ASB18: variants seen among roughly 807,000 people sequenced by gnomAD.
ASB18 encodes ankyrin repeat and SOCS box protein 18.
In ASB18, 33 loss-of-function variants were observed where a neutral mutation model predicts 33.4. That is an observed-to-expected ratio of 0.99 (90% CI 0.75 to 1.32). ASB18 has a LOEUF of 1.32. Among genes scored for constraint, ASB18 ranks in the 40% most tolerant of loss-of-function variants. The probability of loss-of-function intolerance (pLI) is 0.00; values close to 1 mark genes in which losing one functional copy is unlikely to be tolerated. For missense variants in ASB18, 694 were observed against 655.5 expected (o/e 1.06, Z -0.64); for synonymous variants, 295 against 307.6 (o/e 0.96, Z 0.43).
rs773443450 is a variant in ASB18, at chr2:236,264,347, G to A, written c.-2C>T. The stretch of plus-strand genomic sequence containing the variant: ...GGGAAGGTAATCCGAGTTGGACATT[G>A]TTACGTCGTTTCTGCAGTGACCAGC... On this transcript the variant is annotated 5_prime_UTR_variant, in exon 1 of 6. Coordinates refer to ENST00000409749, the MANE Select transcript of ASB18 (RefSeq NM_212556.4). The surrounding 1 kb of genome is among the most constrained non-coding windows in gnomAD (Gnocchi z 5.1). The A allele has an allele frequency of 6.2e-7, 1 of 1,612,862 alleles. No homozygotes were observed. The highest frequency in any genetic ancestry group is 1.3e-5 in the African/African-American group (1 of 74,890).
chr2:236,206,100 T>C (rs952462342), intron 4 of ASB18, among the ~76,000 whole-genome samples: 1 of 152,214 alleles, frequency 6.6e-6, no homozygotes, highest in African/African-American at 2.4e-5. Flanking sequence ...TCTGATCCAT[T>C]TGTCCTAGGC....
Position 236,251,015 on chromosome 2 carries a change from T to C in ASB18, c.206-9613A>G, listed in dbSNP as rs1400646877. ...GATTTCACATTATTAAGAAATCTCA[T>C]TTCCATCATGTGGAGGAACACAATA... On this transcript the variant is annotated intron_variant, in intron 1 of 5. Transcript: ENST00000409749. The surrounding 1 kb of genome is among the most constrained non-coding windows in gnomAD (Gnocchi z 5.3). Among the ~76,000 whole-genome samples the C allele has an allele frequency of 6.6e-6, 1 of 152,246 alleles. No individual in the cohort carries two copies. Among genetic ancestry groups the C allele is most frequent in the Non-Finnish European group, 1.5e-5 (1 of 68,048 alleles).
At chr2:236,254,072 G>A (rs193114623) in intron 1 of ASB18, 9 of 152,222 alleles carry the variant, frequency 5.9e-5, no homozygotes, top group Admixed American at 5.9e-4. Context: ...ACATTTTGCA[G>A]GTCATATGGT....
At position 236,195,496 on chromosome 2, in the gene ASB18, AACAC is replaced by A. The variant is rs1441505914; in HGVS notation, c.1216-443_1216-440del. Among the ~76,000 whole-genome samples the A allele has an allele frequency of 6.6e-6, 1 of 151,548 alleles. No homozygotes were observed. Among genetic ancestry groups the A allele is most frequent in the Non-Finnish European group, 1.5e-5 (1 of 67,974 alleles). ...TGACTCAAGTCAGTGAAACAGAAAAAACACACACAACTCTTCTCACTCTCTTTTT... is the reference window on the plus strand; with the variant it reads ...TGACTCAAGTCAGTGAAACAGAAAAAACACAACTCTTCTCACTCTCTTTTT... On this transcript the variant is annotated intron_variant, in intron 5 of 5. Transcript: ENST00000409749. The surrounding 1 kb of genome is among the most constrained non-coding windows in gnomAD (Gnocchi z 5.5).
chr2:236,264,155 G>T lies in ASB18; in HGVS notation c.191C>A (p.Thr64Asn). 6.2e-7 allele frequency: 1 copy of T among 1,613,776 alleles called. No homozygotes were observed. The highest frequency in any genetic ancestry group is 8.5e-7 in the Non-Finnish European group (1 of 1,179,808). Residue 64 changes from threonine to asparagine, a missense_variant, in exon 1 of 6, where the codon ACC (threonine) becomes AAC (asparagine). Coordinates refer to ENST00000409749, the MANE Select transcript of ASB18 (RefSeq NM_212556.4). This position sits in a 1 kb window ranked among gnomAD's most constrained non-coding sequence, Gnocchi z 5.1. ...WMKDPSAQLP[T>N]GMLLGDLDHL... is the part of the protein sequence containing the mutation. ...GTTCTGGTTACCTAGCAGCATGCCGGTGGGCAGCTGAGCCGAGGGGTCTTT... is the reference window on the plus strand; with the variant it reads ...GTTCTGGTTACCTAGCAGCATGCCGTTGGGCAGCTGAGCCGAGGGGTCTTT...
chr2:236,194,295 C>T lies in ASB18; in HGVS notation c.*577G>A, dbSNP rs1017635667. Among the ~76,000 whole-genome samples, 2 of 152,182 alleles carry T rather than the reference C, an allele frequency of 1.3e-5. No homozygotes were observed. Among genetic ancestry groups the T allele is most frequent in the African/African-American group, 4.8e-5 (2 of 41,450 alleles). ...ATCTAACCCACCAGCAGGACAACCA[C>T]CATCACATACTGATTCACCAAAAAT... is the stretch of plus-strand genomic sequence containing the variant. On this transcript the variant is annotated 3_prime_UTR_variant, in exon 6 of 6. Coordinates refer to ENST00000409749, the MANE Select transcript of ASB18 (RefSeq NM_212556.4). The surrounding 1 kb of genome is among the most constrained non-coding windows in gnomAD (Gnocchi z 4.5).
In ASB18 at chr2:236,234,675, G is replaced by A. The variant is rs1321367940; in HGVS notation, c.596+3014C>T. Among the ~76,000 whole-genome samples the A allele has an allele frequency of 6.6e-6, 1 of 152,202 alleles. No homozygotes were observed. The highest frequency in any genetic ancestry group is 1.5e-5 in the Non-Finnish European group (1 of 68,042). On this transcript the variant is annotated intron_variant, in intron 3 of 5. Coordinates refer to ENST00000409749, the MANE Select transcript of ASB18 (RefSeq NM_212556.4). The surrounding 1 kb of genome is among the most constrained non-coding windows in gnomAD (Gnocchi z 4.1). The stretch of plus-strand genomic sequence containing the variant: ...AGACCGTTTGGTGGAGAAAGGAAGG[G>A]TTTAGATTCACAAATACTTATTTTC...
chr2:236,237,623 T>A lies in ASB18; in HGVS notation c.596+66A>T. On this transcript the variant is annotated intron_variant, in intron 3 of 5. Transcript: ENST00000409749. This position sits in a 1 kb window ranked among gnomAD's most constrained non-coding sequence, Gnocchi z 6.2. ...GGCGGAGGCGGGGTCGGCGGTCTCG[T>A]GGGGGGAGGCGGGCGTCTGGTCTCG... The A allele has an allele frequency of 9.5e-7, 1 of 1,049,414 alleles. No individual in the cohort carries two copies. 65.0% of individuals were successfully genotyped at this position (1,049,414 alleles called of 1,614,324 possible). A position where few individuals can be genotyped will look rare whatever the true frequency, so the allele number is the denominator to read the frequency against.
rs772660913 is a variant in ASB18 at position 236,204,119 on chromosome 2, C to T, written c.1102-7734G>A. ...TGGATTTCCCCCTTCCTGAGCTCTTCGTTAGTGTTATCTCTTTGTCAGCTG... is the reference window on the plus strand; with the variant it reads ...TGGATTTCCCCCTTCCTGAGCTCTTTGTTAGTGTTATCTCTTTGTCAGCTG... On this transcript the variant is annotated intron_variant, in intron 4 of 5. Transcript: ENST00000409749. The surrounding 1 kb of genome is among the most constrained non-coding windows in gnomAD (Gnocchi z 5.1). Among the ~76,000 whole-genome samples, 20 of 152,030 alleles carry T rather than the reference C, an allele frequency of 1.3e-4. No individual in the cohort carries two copies. The highest frequency in any genetic ancestry group is 2.6e-4 in the Non-Finnish European group (18 of 68,010).
intron 4 of ASB18, among the ~76,000 whole-genome samples, chr2:236,202,789 A>AT (rs2060410867): frequency 8.0e-6 from 1 of 124,770 alleles, no homozygotes; most frequent in African/African-American, 3.8e-5. Context: ...AAAAAAAAAA[A>AT]AAAAAATATA....
rs183038588 is a variant in ASB18, at chr2:236,252,406, G to A, written c.206-11004C>T. ...GGAATCAGATCACTGCTATATGGAG[G>A]TACAGGTGTTAAGATGGGGATGCCT... On this transcript the variant is annotated intron_variant, in intron 1 of 5. Coordinates refer to ENST00000409749, the MANE Select transcript of ASB18 (RefSeq NM_212556.4). The surrounding 1 kb of genome is among the most constrained non-coding windows in gnomAD (Gnocchi z 7.9). 1.9e-4 allele frequency among the ~76,000 whole-genome samples: 29 copies of A among 152,178 alleles called. No individual in the cohort carries two copies. Among genetic ancestry groups the A allele is most frequent in the African/African-American group, 6.3e-4 (26 of 41,514 alleles).
At chr2:236,206,273 T>G (rs1481704398) in intron 4 of ASB18, among the ~76,000 whole-genome samples, 2 of 152,108 alleles carry the variant, frequency 1.3e-5, no homozygotes. Context: ...TTCCAACAAT[T>G]CAGATGATTA....
chr2:236,242,788 G>A (rs1384243581), intron 1 of ASB18, among the ~76,000 whole-genome samples: 6 of 149,910 alleles, frequency 4.0e-5, no homozygotes, highest in African/African-American at 1.2e-4. Context: ...TTGGGAGGTC[G>A]AGGTGGGAGG....
rs76875674 is a variant in ASB18, at chr2:236,216,160, C to T, written c.597-1294G>A. Among the ~76,000 whole-genome samples the T allele has an allele frequency of 2.6e-4, 40 of 152,296 alleles. No homozygotes were observed. The East Asian group carries it at 4.4e-3, about 17-fold the overall frequency. ...GGGTCTGCCGAGCCCTGTTGGAGGA[C>T]GCAGCCTTCATGGAGCTGGCCTTGG... is the stretch of plus-strand genomic sequence containing the variant. On this transcript the variant is annotated intron_variant, in intron 3 of 5. Transcript: ENST00000409749. This position sits in a 1 kb window ranked among gnomAD's most constrained non-coding sequence, Gnocchi z 6.1.
rs1391670553 is a variant in ASB18 at position 236,211,917 on chromosome 2, A to C, written c.1101+2445T>G. Among the ~76,000 whole-genome samples, 10 of 152,150 alleles carry C rather than the reference A, an allele frequency of 6.6e-5. No homozygotes were observed. The highest frequency in any genetic ancestry group is 1.5e-4 in the Non-Finnish European group (10 of 68,028). On this transcript the variant is annotated intron_variant, in intron 4 of 5. Coordinates refer to ENST00000409749, the MANE Select transcript of ASB18 (RefSeq NM_212556.4). The surrounding 1 kb of genome is among the most constrained non-coding windows in gnomAD (Gnocchi z 5.0). ...GGGAATCCCAGTGCAAAAAGGTGGA[A>C]TCCTTATTTCCAAAGATTTAATGCA...
Position 236,219,526 on chromosome 2 carries a change from T to A in ASB18, c.597-4660A>T, listed in dbSNP as rs934857262. Among the ~76,000 whole-genome samples the A allele has an allele frequency of 6.6e-6, 1 of 152,128 alleles. No individual in the cohort carries two copies. Among genetic ancestry groups the A allele is most frequent in the African/African-American group, 2.4e-5 (1 of 41,434 alleles). ...CCTGGGCTGGCTGGGAGCTACTCAG[T>A]GATAACAATCGTGGGGACCTCTCAG... On this transcript the variant is annotated intron_variant, in intron 3 of 5. Transcript: ENST00000409749. This position sits in a 1 kb window ranked among gnomAD's most constrained non-coding sequence, Gnocchi z 6.4.
Position 236,255,227 on chromosome 2 carries a change from T to G in ASB18, c.205+8914A>C, listed in dbSNP as rs999963292. 6.6e-6 allele frequency among the ~76,000 whole-genome samples: 1 copy of G among 152,082 alleles called. No homozygotes were observed. The highest frequency in any genetic ancestry group is 1.5e-5 in the Non-Finnish European group (1 of 68,010). On this transcript the variant is annotated intron_variant, in intron 1 of 5. Transcript: ENST00000409749. This position sits in a 1 kb window ranked among gnomAD's most constrained non-coding sequence, Gnocchi z 4.4. ...AGCGCGATCTTGGCTCACTGCAACC[T>G]CCTCCTCCCAGGTTCAAGCGATTCT...
chr2:236,201,543 A>G (rs2060402643), intron 4 of ASB18, among the ~76,000 whole-genome samples: 1 of 149,358 alleles, frequency 6.7e-6, no homozygotes, highest in Non-Finnish European at 1.5e-5. Flanking sequence ...GTTATTTTTT[A>G]AAATGAACAG....
In ASB18 at chr2:236,260,721, T is replaced by G. The variant is rs1240064338; in HGVS notation, c.205+3420A>C. Among the ~76,000 whole-genome samples, 1 of 152,202 alleles carries G rather than the reference T, an allele frequency of 6.6e-6. No homozygotes were observed. The highest frequency in any genetic ancestry group is 2.4e-5 in the African/African-American group (1 of 41,456). ...TGCAAATCACCAATTCTACGGGTTG[T>G]CAGCAGACATGAAAGTGAGGTTCTG... On this transcript the variant is annotated intron_variant, in intron 1 of 5. Coordinates refer to ENST00000409749, the MANE Select transcript of ASB18 (RefSeq NM_212556.4). This position sits in a 1 kb window ranked among gnomAD's most constrained non-coding sequence, Gnocchi z 5.1.
Sources: gnomAD v4.1 joint callset for allele counts (sites outside exome capture counted in the v4.1 genomes callset) on GRCh38, gnomAD v4.1.1 for gene constraint, Gnocchi (gnomAD v3.1) non-coding constraint, MANE v1.5 for transcripts, NCBI Gene and HGNC (gene_info 2026-07-23, HGNC 2026-07-21) for gene names.